The following CFAP54 variants were observed in gnomAD, a reference collection of about 807,000 sequenced individuals.
The protein encoded by CFAP54 is cilia- and flagella-associated protein 54.
CFAP54 carries 290 observed loss-of-function variants against 370.4 expected under a neutral mutation model. That is an observed-to-expected ratio of 0.78 (90% CI 0.71 to 0.86). The LOEUF (loss-of-function observed/expected upper bound fraction) is 0.86, where lower values mean the gene tolerates loss of function less well. CFAP54 is among the 40% of genes least tolerant of loss of function. The probability of loss-of-function intolerance (pLI) is 0.00; values close to 1 mark genes in which losing one functional copy is unlikely to be tolerated. For missense variants in CFAP54, 3,399 were observed against 3,528.7 expected (o/e 0.96, Z 0.93); for synonymous variants, 1,206 against 1,236.5 (o/e 0.98, Z 0.52).
chr12:96,588,844 C>G (rs1956098520), intron 22 of CFAP54, among the ~76,000 whole-genome samples: 1 of 152,074 alleles, frequency 6.6e-6, no homozygotes. Flanking sequence ...CTAGGCTTCA[C>G]CAGTGAAATT....
intron 60 of CFAP54, among the ~76,000 whole-genome samples, chr12:96,769,485 T>C (rs1005570839): frequency 6.6e-6 from 1 of 152,178 alleles, no homozygotes; most frequent in Non-Finnish European, 1.5e-5. Flanking sequence ...ATGTGAAATA[T>C]AGCTTTATTC....
At chr12:96,823,138 C>CTG (rs34092422) in intron 65 of CFAP54, among the ~76,000 whole-genome samples, 89 of 147,952 alleles carry the variant, frequency 6.0e-4, no homozygotes, top group Admixed American at 2.0e-3. Flanking sequence ...GTGTGTGTGT[C>CTG]TGTGTGTGTG....
In CFAP54 at chr12:96,784,846, A is replaced by G. The variant is rs752983733; in HGVS notation, c.8411A>G (p.Tyr2804Cys). ...VDITWILLLR[Y>C]YIHLQRINNL... ...ATTACATGGATCCTTCTACTGCGCT[A>G]CTATATTCACCTTCAGAGGATTAAT... The change falls in exon 61 of 68, where the codon TAC becomes TGC. Residue 2804 changes from tyrosine to cysteine, a missense_variant. Tyr to Cys is a radical substitution (Grantham distance 194, BLOSUM62 -2). Coordinates refer to ENST00000524981, the MANE Select transcript of CFAP54 (RefSeq NM_001306084.2). 4 of 1,532,356 alleles carry G rather than the reference A, an allele frequency of 2.6e-6. No homozygotes were observed. Among genetic ancestry groups the G allele is most frequent in the African/African-American group, 1.4e-5 (1 of 73,008 alleles). The allele number at this position is 1,532,356 out of a possible 1,614,324, so 94.9% of individuals were successfully genotyped here.
intron 66 of CFAP54, 83 bp from the exon 67 acceptor site, chr12:96,860,736 G>T (rs1717114385): frequency 1.5e-6 from 2 of 1,312,180 alleles, no homozygotes; most frequent in East Asian, 2.6e-5. Flanking sequence ...AAAATTATTA[G>T]AAATTGCTAT....
At chr12:96,518,556 C>G (rs1955265984) in intron 5 of CFAP54, among the ~76,000 whole-genome samples, 1 of 152,094 alleles carries the variant, frequency 6.6e-6, no homozygotes, top group Non-Finnish European at 1.5e-5. Context: ...TGTGGTGGTG[C>G]ACACCTGTAG....
intron 1 of CFAP54, among the ~76,000 whole-genome samples, chr12:96,499,090 TC>T (rs370870083): frequency 3.3e-5 from 5 of 152,282 alleles, no homozygotes; most frequent in African/African-American, 4.8e-5. Flanking sequence ...ATGATTCTCC[TC>T]CTGAGTAGCA....
At chr12:96,855,557 T>A (rs990523750) in intron 66 of CFAP54, among the ~76,000 whole-genome samples, 3 of 152,192 alleles carry the variant, frequency 2.0e-5, no homozygotes, top group Non-Finnish European at 4.4e-5. Flanking sequence ...ACAGGCCCCA[T>A]GCAAGTCCAA....
intron 66 of CFAP54, among the ~76,000 whole-genome samples, chr12:96,856,466 T>G (rs1959706690): frequency 6.6e-6 from 1 of 152,200 alleles, no homozygotes; most frequent in Non-Finnish European, 1.5e-5. Context: ...CCAGATACCC[T>G]TAATTATCTC....
At chr12:96,579,097 T>C (rs1956007817) in intron 20 of CFAP54, among the ~76,000 whole-genome samples, 1 of 152,186 alleles carries the variant, frequency 6.6e-6, no homozygotes, top group African/African-American at 2.4e-5. Context: ...AACATAGTCT[T>C]TCTGCCTTTT....
intron 63 of CFAP54, among the ~76,000 whole-genome samples, chr12:96,796,466 T>C (rs1010311164): frequency 6.6e-6 from 1 of 152,230 alleles, no homozygotes; most frequent in Non-Finnish European, 1.5e-5. Context: ...AACTCATCAG[T>C]AAAGCCAGCT....
At chr12:96,679,492 C>T (rs909999344) in intron 39 of CFAP54, 108 bp from the exon 40 acceptor site, 20 of 1,164,198 alleles carry the variant, frequency 1.7e-5, no homozygotes, top group East Asian at 1.1e-4. Flanking sequence ...TTGAATTTAG[C>T]GGCTTTAGGT....
rs1955751883 is a variant in CFAP54, at chr12:96,556,401, T to G, written c.2410+1599T>G. 2.6e-5 allele frequency among the ~76,000 whole-genome samples: 4 copies of G among 152,088 alleles called. No homozygotes were observed. The South Asian group carries it at 8.3e-4, about 32-fold the overall frequency. On this transcript the variant is annotated intron_variant, in intron 17 of 67. Transcript: ENST00000524981. ...TTGCAATTTATATTTCTTTTCTTTT[T>G]TTTTCAAATTAAATGCTTTTGCTTT...
chr12:96,682,037 A>G, intron 40 of CFAP54: 2 of 496,538 alleles, frequency 4.0e-6, no homozygotes, highest in Non-Finnish European at 5.2e-6. Context: ...CTATATACAA[A>G]ATATTTCCTT....
chr12:96,796,040 TCTC>T (rs1480297100), intron 63 of CFAP54, among the ~76,000 whole-genome samples: 2 of 152,180 alleles, frequency 1.3e-5, no homozygotes. Context: ...GTCACATCCT[TCTC>T]CTGTGATATG....
chr12:96,573,045 A>T (rs1955939018), intron 19 of CFAP54: 10 of 985,384 alleles, frequency 1.0e-5, no homozygotes, highest in Non-Finnish European at 1.2e-5. Context: ...GTCAGTGGAG[A>T]TGGAGGTCAA....
At chr12:96,636,769 C>T (rs542306724) in intron 32 of CFAP54, among the ~76,000 whole-genome samples, 22 of 152,310 alleles carry the variant, frequency 1.4e-4, no homozygotes, top group African/African-American at 5.1e-4. Context: ...GCCTGACCAA[C>T]GTGGTGAAAC....
intron 26 of CFAP54, among the ~76,000 whole-genome samples, chr12:96,604,267 G>C (rs924732550): frequency 6.6e-6 from 1 of 152,192 alleles, no homozygotes; most frequent in Non-Finnish European, 1.5e-5. Flanking sequence ...GTTTGCCTGG[G>C]CATCACCAGT....
At chr12:96,740,565 C>T (rs959047727) in intron 51 of CFAP54, among the ~76,000 whole-genome samples, 3 of 152,188 alleles carry the variant, frequency 2.0e-5, no homozygotes, top group Non-Finnish European at 4.4e-5. Flanking sequence ...TTTAACAATA[C>T]AGGATTGTTT....
rs777328518 is a variant in CFAP54, at chr12:96,757,608, G to T, written c.8040+20G>T. 1.3e-5 allele frequency: 19 copies of T among 1,430,674 alleles called. No individual in the cohort carries two copies. The highest frequency in any genetic ancestry group is 1.6e-5 in the Non-Finnish European group (17 of 1,032,188). 88.6% of individuals were successfully genotyped at this position (1,430,674 alleles called of 1,614,324 possible). On this transcript the variant is annotated intron_variant, in intron 58 of 67. Transcript: ENST00000524981. ...CTTAAGGTAAGAGTCTATTTTATTAGAAATTATGAGTTAATTGCCTTTGAG... is the reference window on the plus strand; with the variant it reads ...CTTAAGGTAAGAGTCTATTTTATTATAAATTATGAGTTAATTGCCTTTGAG...
Sources: allele counts gnomAD v4.1 joint callset (sites outside exome capture counted in the v4.1 genomes callset), GRCh38; gene constraint gnomAD v4.1.1; transcripts MANE v1.5; gene names NCBI Gene and HGNC (gene_info 2026-07-23, HGNC 2026-07-21).